RBFOX1: variants seen among roughly 807,000 people sequenced by gnomAD.
RBFOX1 encodes RNA binding fox-1 homolog 1.
In RBFOX1, 8 loss-of-function variants were observed where a neutral mutation model predicts 57.7. That is an observed-to-expected ratio of 0.14 (90% CI 0.08 to 0.25). RBFOX1 has a LOEUF of 0.25. RBFOX1 is among the 10% of genes least tolerant of loss of function. RBFOX1 has a pLI of 1.00. For missense variants in RBFOX1, 611 were observed against 548.5 expected (o/e 1.11, Z -1.14); for synonymous variants, 326 against 222.4 (o/e 1.47, Z -4.15).
At chr16:6,135,361 GACAAGGT>G (rs2096658846) in intron 1 of RBFOX1, among the ~76,000 whole-genome samples, 1 of 152,182 alleles carries the variant, frequency 6.6e-6, no homozygotes, top group African/African-American at 2.4e-5. Context: ...AGAATGAGAT[GACAAGGT>G]ACCATAGAAT....
chr16:6,856,392 G>C (rs113774950), intron 3 of RBFOX1, among the ~76,000 whole-genome samples: 1 of 152,138 alleles, frequency 6.6e-6, no homozygotes, highest in African/African-American at 2.4e-5. Flanking sequence ...TGGAGTCCCT[G>C]TTTGAGGCTA....
intron 4 of RBFOX1, among the ~76,000 whole-genome samples, chr16:7,432,542 C>T (rs939389176): frequency 7.9e-5 from 12 of 152,122 alleles, no homozygotes; most frequent in African/African-American, 2.9e-4. Context: ...TATAAAGGAC[C>T]AGAGAGTAAC....
chr16:5,756,109 T>C (rs530356897), intron 3 of RBFOX1, among the ~76,000 whole-genome samples: 1 of 149,470 alleles, frequency 6.7e-6, no homozygotes, highest in South Asian at 2.1e-4. Flanking sequence ...CTAGGAGAGA[T>C]ACAAAGCTAC....
At chr16:5,985,368 G>A (rs1206503294) in intron 4 of RBFOX1, among the ~76,000 whole-genome samples, 2 of 151,944 alleles carry the variant, frequency 1.3e-5, no homozygotes, top group Non-Finnish European at 2.9e-5. Flanking sequence ...TGCAGTTCAG[G>A]ACTGTATTAA....
chr16:7,057,135 C>A (rs535500201), intron 4 of RBFOX1, among the ~76,000 whole-genome samples: 8 of 152,208 alleles, frequency 5.3e-5, no homozygotes, highest in African/African-American at 1.4e-4. Flanking sequence ...AAATACCAGG[C>A]ATGAGAATAC....
intron 3 of RBFOX1, among the ~76,000 whole-genome samples, chr16:6,747,275 G>T (rs992044296): frequency 1.3e-5 from 2 of 152,064 alleles, no homozygotes; most frequent in African/African-American, 4.8e-5. Flanking sequence ...CTGGCATGGT[G>T]GTGTGTTTGA....
intron 3 of RBFOX1, among the ~76,000 whole-genome samples, chr16:5,655,018 C>T (rs1052721956): frequency 3.3e-5 from 5 of 152,198 alleles, no homozygotes; most frequent in African/African-American, 4.8e-5. Flanking sequence ...GTCCAGCCTA[C>T]GCTTCCTACC....
chr16:7,254,415 C>T (rs1420726039), intron 4 of RBFOX1, among the ~76,000 whole-genome samples: 4 of 152,152 alleles, frequency 2.6e-5, no homozygotes, highest in African/African-American at 9.7e-5. Context: ...CTGGAATCTC[C>T]ATTGCCAAGA....
intron 3 of RBFOX1, among the ~76,000 whole-genome samples, chr16:6,877,598 G>A (rs538683427): frequency 4.6e-5 from 7 of 152,086 alleles, no homozygotes; most frequent in African/African-American, 7.2e-5. Flanking sequence ...AACAATAACC[G>A]TGTCTTTGCA....
At chr16:6,827,807 C>T (rs975569485) in intron 3 of RBFOX1, among the ~76,000 whole-genome samples, 9 of 152,194 alleles carry the variant, frequency 5.9e-5, no homozygotes, top group East Asian at 1.9e-4. Context: ...AGGTCAGCTT[C>T]GCTTCTGCAG....
At chr16:6,414,445 T>C (rs1342218518) in intron 2 of RBFOX1, among the ~76,000 whole-genome samples, 1 of 152,234 alleles carries the variant, frequency 6.6e-6, no homozygotes, top group Non-Finnish European at 1.5e-5. Flanking sequence ...CCATGGCCAG[T>C]AATTCTGATC....
chr16:7,282,884 A>G (rs1275999700), intron 4 of RBFOX1, among the ~76,000 whole-genome samples: 2 of 152,156 alleles, frequency 1.3e-5, no homozygotes, highest in Non-Finnish European at 2.9e-5. Flanking sequence ...CTCCAATCGC[A>G]TCCAGGTTGC....
At chr16:6,224,151 G>C (rs968293124) in intron 1 of RBFOX1, among the ~76,000 whole-genome samples, 3 of 151,690 alleles carry the variant, frequency 2.0e-5, no homozygotes, top group African/African-American at 7.3e-5. Flanking sequence ...CTCCAGCTTT[G>C]TTCTTTTGGC....
chr16:7,028,085 A>C (rs1249228492), intron 3 of RBFOX1, among the ~76,000 whole-genome samples: 2 of 152,106 alleles, frequency 1.3e-5, no homozygotes, highest in African/African-American at 4.8e-5. Context: ...GTGGTTTCTC[A>C]TTTGCCTGTT....
chr16:6,321,122 T>C (rs1357224347), intron 2 of RBFOX1, among the ~76,000 whole-genome samples: 6 of 152,206 alleles, frequency 3.9e-5, no homozygotes, highest in Non-Finnish European at 8.8e-5. Flanking sequence ...TAGTTTTAAT[T>C]GACAAACAAT....
intron 4 of RBFOX1, among the ~76,000 whole-genome samples, chr16:7,385,171 A>C (rs1250996392): frequency 6.6e-6 from 1 of 152,244 alleles, no homozygotes; most frequent in Non-Finnish European, 1.5e-5. Flanking sequence ...ACGATAATGA[A>C]TATAAGTTTT....
At chr16:7,436,918 A>G (rs1456556428) in intron 4 of RBFOX1, among the ~76,000 whole-genome samples, 1 of 152,184 alleles carries the variant, frequency 6.6e-6, no homozygotes, top group East Asian at 1.9e-4. Context: ...AAAAAAATAA[A>G]TAAATAAATA....
chr16:6,169,209 G>C (rs1001175642), intron 1 of RBFOX1, among the ~76,000 whole-genome samples: 1 of 152,098 alleles, frequency 6.6e-6, no homozygotes, highest in Non-Finnish European at 1.5e-5. Flanking sequence ...TCATTGACTT[G>C]GTAGATGGAA....
intron 1 of RBFOX1, among the ~76,000 whole-genome samples, chr16:6,095,491 C>T (rs1488802221): frequency 2.0e-5 from 3 of 152,108 alleles, no homozygotes; most frequent in South Asian, 2.1e-4. Context: ...CTTTCTCTTT[C>T]AGTTTCTGGG....
Sources: allele counts gnomAD v4.1 joint callset (sites outside exome capture counted in the v4.1 genomes callset), GRCh38; gene constraint gnomAD v4.1.1; transcripts MANE v1.5; gene names NCBI Gene and HGNC (gene_info 2026-07-23, HGNC 2026-07-21).